L3MBTL4: variants seen among roughly 807,000 people sequenced by gnomAD.
L3MBTL4 encodes lethal(3)malignant brain tumor-like protein 4.
Under a neutral mutation model 84.5 loss-of-function variants are expected in L3MBTL4, and 70 were observed. The ratio of observed to expected loss-of-function variants is 0.83; its 90% confidence interval spans 0.68 to 1.01. The LOEUF (loss-of-function observed/expected upper bound fraction) is 1.01, where lower values mean the gene tolerates loss of function less well. L3MBTL4 is among the 50% of genes least tolerant of loss of function. L3MBTL4 has a pLI of 0.00. For missense variants in L3MBTL4, 715 were observed against 754.8 expected (o/e 0.95, Z 0.62); for synonymous variants, 274 against 259.8 (o/e 1.05, Z -0.52).
At chr18:6,147,913 A>G (rs921265516) in intron 13 of L3MBTL4, among the ~76,000 whole-genome samples, 1 of 152,218 alleles carries the variant, frequency 6.6e-6, no homozygotes, top group African/African-American at 2.4e-5. Flanking sequence ...TTTAATTAAG[A>G]GTTAATAAGA....
At chr18:5,959,682 TGCCTTCCC>T (rs2095252511) in intron 18 of L3MBTL4, among the ~76,000 whole-genome samples, 1 of 152,158 alleles carries the variant, frequency 6.6e-6, no homozygotes, top group Admixed American at 6.5e-5. Flanking sequence ...GGAGGATTCC[TGCCTTCCC>T]GCAAATGGCT....
chr18:6,217,724 G>C (rs920035592), intron 10 of L3MBTL4, among the ~76,000 whole-genome samples: 1 of 152,134 alleles, frequency 6.6e-6, no homozygotes, highest in African/African-American at 2.4e-5. Context: ...TTTGGCATGA[G>C]TTGTGCTTTC....
At chr18:6,209,717 A>T (rs533590869) in intron 12 of L3MBTL4, among the ~76,000 whole-genome samples, 1 of 152,344 alleles carries the variant, frequency 6.6e-6, no homozygotes, top group African/African-American at 2.4e-5. Context: ...GCAATAATCA[A>T]AATAGCCCAA....
chr18:6,101,795 G>C (rs2058840049), intron 14 of L3MBTL4, among the ~76,000 whole-genome samples: 1 of 152,190 alleles, frequency 6.6e-6, no homozygotes, highest in African/African-American at 2.4e-5. Context: ...GTTGATTACA[G>C]GTATTCAATT....
At chr18:6,350,845 C>T (rs186828925) in intron 1 of L3MBTL4, among the ~76,000 whole-genome samples, 58 of 152,108 alleles carry the variant, frequency 3.8e-4, no homozygotes, top group Non-Finnish European at 1.2e-4. Flanking sequence ...ATGGATGAAT[C>T]GATAAAGAAA....
chr18:6,266,019 T>C (rs1490179126), intron 4 of L3MBTL4, among the ~76,000 whole-genome samples: 1 of 152,242 alleles, frequency 6.6e-6, no homozygotes, highest in African/African-American at 2.4e-5. Context: ...GTTAATTCAC[T>C]TGATATAATC....
At chr18:6,233,522 A>G (rs1197211315) in intron 10 of L3MBTL4, among the ~76,000 whole-genome samples, 1 of 147,714 alleles carries the variant, frequency 6.8e-6, no homozygotes, top group East Asian at 1.9e-4. Context: ...CTTATACACC[A>G]ATAACAGACA....
At chr18:6,087,595 T>C (rs1016982913) in intron 15 of L3MBTL4, among the ~76,000 whole-genome samples, 2 of 152,152 alleles carry the variant, frequency 1.3e-5, no homozygotes, top group African/African-American at 2.4e-5. Context: ...TGGTTTGTCA[T>C]GGTGTTTTGA....
chr18:5,967,836 G>A (rs1289244706), intron 17 of L3MBTL4, among the ~76,000 whole-genome samples: 2 of 152,346 alleles, frequency 1.3e-5, no homozygotes, highest in East Asian at 1.9e-4. Context: ...AGGAGGGGAC[G>A]GCAAGAATGG....
chr18:6,305,215 G>A (rs1345533927), intron 3 of L3MBTL4, among the ~76,000 whole-genome samples: 1 of 152,142 alleles, frequency 6.6e-6, no homozygotes, highest in East Asian at 1.9e-4. Flanking sequence ...GTATCATATG[G>A]TAGAGCAGGG....
chr18:6,006,978 C>T (rs1017523179), intron 16 of L3MBTL4, among the ~76,000 whole-genome samples: 15 of 151,948 alleles, frequency 9.9e-5, no homozygotes, highest in Non-Finnish European at 1.8e-4. Context: ...GTAAACAATA[C>T]AACCCATAAA....
At chr18:6,125,141 T>C (rs544378167) in intron 14 of L3MBTL4, among the ~76,000 whole-genome samples, 1 of 148,116 alleles carries the variant, frequency 6.8e-6, no homozygotes, top group South Asian at 2.1e-4. Flanking sequence ...ACTCCTAAAC[T>C]AGAAATTATT....
At chr18:6,054,275 C>A (rs2056936367) in intron 16 of L3MBTL4, among the ~76,000 whole-genome samples, 1 of 152,024 alleles carries the variant, frequency 6.6e-6, no homozygotes, top group African/African-American at 2.4e-5. Flanking sequence ...CCCCAGAGTG[C>A]CCACCGGCTC....
At chr18:6,017,022 A>C (rs2055019627) in intron 16 of L3MBTL4, among the ~76,000 whole-genome samples, 1 of 151,966 alleles carries the variant, frequency 6.6e-6, no homozygotes, top group African/African-American at 2.4e-5. Context: ...GGGGGTGGTA[A>C]ATGGCCCACC....
chr18:6,199,674 G>A (rs559973397), intron 12 of L3MBTL4, among the ~76,000 whole-genome samples: 1 of 152,278 alleles, frequency 6.6e-6, no homozygotes, highest in African/African-American at 2.4e-5. Flanking sequence ...CGGGCAGAAG[G>A]GGAAATCTGA....
At position 6,048,133 on chromosome 18, in the gene L3MBTL4, T is replaced by A. The variant is rs753378599; in HGVS notation, c.1444+32748A>T. 1.4e-3 allele frequency among the ~76,000 whole-genome samples: 208 copies of A among 152,174 alleles called. 1 individual carries two copies. The highest frequency in any genetic ancestry group is 2.4e-3 in the Non-Finnish European group (160 of 67,984). ...AATAACATTCAAGCTGAGAGCCAAA[T>A]CATTTCAAATAGCTACAATAAAAAT... On this transcript the variant is annotated intron_variant, in intron 16 of 18. Transcript: ENST00000317931.
At chr18:5,965,072 A>G (rs1054852513) in intron 17 of L3MBTL4, among the ~76,000 whole-genome samples, 3 of 152,214 alleles carry the variant, frequency 2.0e-5, no homozygotes, top group Admixed American at 1.3e-4. Flanking sequence ...AACTTATCAC[A>G]TGTGCACACC....
intron 13 of L3MBTL4, among the ~76,000 whole-genome samples, chr18:6,157,496 C>T (rs1173326543): frequency 2.0e-5 from 3 of 152,142 alleles, no homozygotes; most frequent in East Asian, 3.8e-4. Flanking sequence ...TCATTCATTG[C>T]TTAGTGTAGA....
intron 14 of L3MBTL4, among the ~76,000 whole-genome samples, chr18:6,103,910 T>C (rs1002689921): frequency 2.6e-5 from 4 of 152,196 alleles, no homozygotes; most frequent in African/African-American, 9.6e-5. Flanking sequence ...TTCAACTGCC[T>C]GGGCCGAGTG....
Sources: gnomAD v4.1 joint callset for allele counts (sites outside exome capture counted in the v4.1 genomes callset) on GRCh38, gnomAD v4.1.1 for gene constraint, MANE v1.5 for transcripts, NCBI Gene and HGNC (gene_info 2026-07-23, HGNC 2026-07-21) for gene names.